The following ALG14 variants were observed in gnomAD, a reference collection of about 807,000 sequenced individuals.
The protein encoded by ALG14 is ALG14 UDP-N-acetylglucosaminyltransferase subunit, also known as UDP-N-acetylglucosamine transferase subunit ALG14.
Under a neutral mutation model 22.8 loss-of-function variants are expected in ALG14, and 17 were observed. The observed-to-expected ratio is 0.75, with a 90% confidence interval of 0.51 to 1.12. The LOEUF is 1.12. Ranked by LOEUF, ALG14 falls within the 50% of genes most tolerant of loss-of-function variation. The pLI, the probability that ALG14 is intolerant of heterozygous loss-of-function variation, is 0.00. For missense variants in ALG14, 288 were observed against 271.8 expected (o/e 1.06, Z -0.42); for synonymous variants, 89 against 103.7 (o/e 0.86, Z 0.86).
At chr1:95,046,973 AAACATAACATAACATAACAT>A (rs56232245) in intron 2 of ALG14, among the ~76,000 whole-genome samples, 12,270 of 144,736 alleles carry the variant, frequency 0.085, 667 homozygotes, top group African/African-American at 0.14. Flanking sequence ...TCTCACAAAA[AAACATAACATAACATAACAT>A]AACATAACAT....
chr1:94,978,228 A>AT lies in ALG14; in HGVS notation c.*4847dup. On this transcript the variant is annotated 3_prime_UTR_variant, in exon 4 of 4. Coordinates refer to ENST00000370205, the MANE Select transcript of ALG14 (RefSeq NM_144988.4). ...CAGGCGCCCGCCACCACGCCGGCAA[A>AT]TTTTTTGTATTTTTAGTAGAGATGG... 6.7e-6 allele frequency: 1 copy of AT among 149,848 alleles called. No individual in the cohort carries two copies. Among genetic ancestry groups the AT allele is most frequent in the Middle Eastern group, 3.5e-3 (1 of 284 alleles). 9.3% of individuals were successfully genotyped at this position (149,848 alleles called of 1,614,324 possible).
rs1253902669 is a variant in ALG14, at chr1:94,982,792, A to T, written c.*284T>A. The T allele has an allele frequency of 9.6e-6, 3 of 311,066 alleles. No individual in the cohort carries two copies. The Admixed American group carries it at 1.4e-4, about 15-fold the overall frequency. The allele number at this position is 311,066 out of a possible 1,614,324, so 19.3% of individuals were successfully genotyped here. A position where few individuals can be genotyped will look rare whatever the true frequency, so the allele number is the denominator to read the frequency against. ...AGTTCTGTAAAAAAAATACTACTAAAACAGCCAGAAGAAAATTTGCAGGTA... is the reference window on the plus strand; with the variant it reads ...AGTTCTGTAAAAAAAATACTACTAATACAGCCAGAAGAAAATTTGCAGGTA... On this transcript the variant is annotated 3_prime_UTR_variant, in exon 4 of 4. Coordinates refer to ENST00000370205, the MANE Select transcript of ALG14 (RefSeq NM_144988.4).
intron 2 of ALG14, among the ~76,000 whole-genome samples, chr1:95,049,951 A>G (rs1396293056): frequency 6.6e-6 from 1 of 152,222 alleles, no homozygotes; most frequent in African/African-American, 2.4e-5. Context: ...ATAATTCCAT[A>G]TCAGAATAAG....
chr1:94,987,765 T>C (rs1672679838), intron 3 of ALG14, among the ~76,000 whole-genome samples: 2 of 152,186 alleles, frequency 1.3e-5, no homozygotes, highest in South Asian at 4.1e-4. Context: ...CCGCCAAATA[T>C]GGGCTAAGAA....
chr1:94,985,608 CT>C (rs1302675719), intron 3 of ALG14, among the ~76,000 whole-genome samples: 1 of 152,158 alleles, frequency 6.6e-6, no homozygotes, highest in Non-Finnish European at 1.5e-5. Context: ...ATTTGTTCCT[CT>C]TTAAAAAAAT....
intron 3 of ALG14, among the ~76,000 whole-genome samples, chr1:95,014,929 A>G (rs1259783127): frequency 6.6e-6 from 1 of 152,180 alleles, no homozygotes; most frequent in African/African-American, 2.4e-5. Context: ...GCAGAAAAAG[A>G]CTCGAGTTCC....
At chr1:95,052,124 G>A (rs1056089699) in intron 2 of ALG14, among the ~76,000 whole-genome samples, 3 of 152,068 alleles carry the variant, frequency 2.0e-5, no homozygotes, top group Non-Finnish European at 4.4e-5. Context: ...ATCAAAGGAA[G>A]GACAAAACCA....
intron 3 of ALG14, among the ~76,000 whole-genome samples, chr1:94,985,060 G>C (rs1327530082): frequency 4.6e-5 from 7 of 152,142 alleles, no homozygotes; most frequent in African/African-American, 1.7e-4. Context: ...CAGGCACACA[G>C]AAGTTGGGCA....
At chr1:94,997,349 G>T (rs1672934985) in intron 3 of ALG14, among the ~76,000 whole-genome samples, 1 of 152,186 alleles carries the variant, frequency 6.6e-6, no homozygotes, top group African/African-American at 2.4e-5. Flanking sequence ...CAGTTGATCT[G>T]GGAGACAACT....
Position 94,982,875 on chromosome 1 carries a change from T to C in ALG14, c.*201A>G, listed in dbSNP as rs112318591. The C allele has an allele frequency of 1.8e-6, 1 of 565,062 alleles. No homozygotes were observed. The highest frequency in any genetic ancestry group is 1.9e-5 in the African/African-American group (1 of 53,274). 35.0% of individuals were successfully genotyped at this position (565,062 alleles called of 1,614,324 possible). On this transcript the variant is annotated 3_prime_UTR_variant, in exon 4 of 4. Transcript: ENST00000370205. ...GGTTTACAGAGGCATAAACATTTAGTAGTTACGTTTATCAATGTTTGTTTC... is the reference window on the plus strand; with the variant it reads ...GGTTTACAGAGGCATAAACATTTAGCAGTTACGTTTATCAATGTTTGTTTC...
At chr1:95,003,948 T>C (rs909526242) in intron 3 of ALG14, among the ~76,000 whole-genome samples, 10 of 152,234 alleles carry the variant, frequency 6.6e-5, no homozygotes, top group Non-Finnish European at 1.3e-4. Context: ...CAAAGTCAGC[T>C]AGTAAGTATC....
chr1:95,022,368 C>T, intron 3 of ALG14: 1 of 985,432 alleles, frequency 1.0e-6, no homozygotes, highest in Non-Finnish European at 1.2e-6. Flanking sequence ...CACCATGCAA[C>T]TGGGAAAAGC....
In ALG14 at chr1:94,977,108, A is replaced by T. The variant is rs1377528578; in HGVS notation, c.*5968T>A. ...CCTGGATTTCTAACCTACAGAGATA[A>T]TGTATTGTTTTAAGCCAATATATGT... On this transcript the variant is annotated 3_prime_UTR_variant, in exon 4 of 4. Coordinates refer to ENST00000370205, the MANE Select transcript of ALG14 (RefSeq NM_144988.4). The T allele has an allele frequency of 6.6e-6, 1 of 152,238 alleles. No individual in the cohort carries two copies. The highest frequency in any genetic ancestry group is 1.9e-4 in the East Asian group (1 of 5,200). The allele number at this position is 152,238 out of a possible 1,614,324, so 9.4% of individuals were successfully genotyped here.
At chr1:95,036,046 AT>A (rs932403207) in intron 2 of ALG14, among the ~76,000 whole-genome samples, 14 of 151,972 alleles carry the variant, frequency 9.2e-5, no homozygotes, top group East Asian at 7.7e-4. Context: ...TTACCACAAA[AT>A]TTTTTTTTAT....
At chr1:95,065,803 TCA>T (rs1398215435) in intron 1 of ALG14, among the ~76,000 whole-genome samples, 2 of 152,232 alleles carry the variant, frequency 1.3e-5, no homozygotes, top group Non-Finnish European at 1.5e-5. Flanking sequence ...TGAGTAATGT[TCA>T]GTTTCTGAAA....
intron 3 of ALG14, among the ~76,000 whole-genome samples, chr1:95,024,502 A>C (rs756086463): frequency 1.3e-5 from 2 of 152,214 alleles, no homozygotes; most frequent in Non-Finnish European, 2.9e-5. Flanking sequence ...GTCTAAAGAA[A>C]ATTGGAGTTA....
At chr1:95,027,292 T>C in intron 2 of ALG14, 32 bp from the exon 3 acceptor site, 2 of 1,610,006 alleles carry the variant, frequency 1.2e-6, no homozygotes, top group South Asian at 2.2e-5. Flanking sequence ...CCAAATCAAC[T>C]GAGTCACTGA....
Position 94,994,033 on chromosome 1 carries a change from G to A in ALG14, c.421-10727C>T, listed in dbSNP as rs75730695. ...TTTTCTTGCCCTGATGTTCCATCAC[G>A]AAAAACAAATACATAAATAAAGACC... On this transcript the variant is annotated intron_variant, in intron 3 of 3. Transcript: ENST00000370205. Among the ~76,000 whole-genome samples the A allele has an allele frequency of 3.3e-3, 495 of 152,260 alleles. 6 individuals carry two copies. Among genetic ancestry groups the A allele is most frequent in the African/African-American group, 0.011 (477 of 41,558 alleles).
At chr1:95,044,652 C>T (rs1217727901) in intron 2 of ALG14, among the ~76,000 whole-genome samples, 1 of 152,120 alleles carries the variant, frequency 6.6e-6, no homozygotes, top group East Asian at 1.9e-4. Context: ...GTTCCCCATC[C>T]CTGTGCAATC....
Sources: gnomAD v4.1 joint callset for allele counts (sites outside exome capture counted in the v4.1 genomes callset) on GRCh38, gnomAD v4.1.1 for gene constraint, MANE v1.5 for transcripts, NCBI Gene and HGNC (gene_info 2026-07-23, HGNC 2026-07-21) for gene names.